Variants in B3GAT2 observed in about 807,000 individuals in gnomAD.
The protein encoded by B3GAT2 is galactosylgalactosylxylosylprotein 3-beta-glucuronosyltransferase 2.
B3GAT2 carries 26 observed loss-of-function variants against 27.8 expected under a neutral mutation model. The ratio of observed to expected loss-of-function variants is 0.93; its 90% CI spans 0.68 to 1.30. B3GAT2 has a LOEUF of 1.30. Among genes scored for constraint, B3GAT2 ranks in the 50% most tolerant of loss-of-function variants. The probability of loss-of-function intolerance (pLI) is 0.00; values close to 1 mark genes in which losing one functional copy is unlikely to be tolerated. For synonymous variants in B3GAT2, 218 were observed against 195.1 expected (o/e 1.12, Z -0.98); for missense variants, 458 against 459.0 (o/e 1.00, Z 0.02).
intron 2 of B3GAT2, among the ~76,000 whole-genome samples, chr6:70,862,455 T>G (rs1771773612): frequency 6.6e-6 from 1 of 152,200 alleles, no homozygotes; most frequent in East Asian, 1.9e-4. Flanking sequence ...ATTTTGCATT[T>G]AGAAGAGGGA....
intron 1 of B3GAT2, among the ~76,000 whole-genome samples, chr6:70,910,868 C>A (rs569555927): frequency 1.3e-5 from 2 of 152,292 alleles, no homozygotes; most frequent in East Asian, 3.9e-4. Context: ...AATACCCATT[C>A]TGACTGGTGT....
rs1397061835 is a variant in B3GAT2, at chr6:70,859,491, C to T, written c.*2172G>A. The T allele has an allele frequency of 3.1e-6, 3 of 966,522 alleles. No individual in the cohort carries two copies. Among genetic ancestry groups the T allele is most frequent in the African/African-American group, 1.6e-5 (1 of 60,834 alleles). The allele number at this position is 966,522 out of a possible 1,614,324, so 59.9% of individuals were successfully genotyped here. A position where few individuals can be genotyped will look rare whatever the true frequency, so the allele number is the denominator to read the frequency against. On this transcript the variant is annotated 3_prime_UTR_variant, in exon 4 of 4. Transcript: ENST00000230053. ...GTAGTTTATGTTAGTGTCTTTGAAA[C>T]TGTAAATAAGTCAAGTCAAATGTAT...
chr6:70,942,900 G>A (rs1054786874), intron 1 of B3GAT2, among the ~76,000 whole-genome samples: 1 of 152,158 alleles, frequency 6.6e-6, no homozygotes, highest in Non-Finnish European at 1.5e-5. Context: ...ATGGAGAATG[G>A]TCAGCATTTA....
At chr6:70,938,503 ATAC>A (rs1343016450) in intron 1 of B3GAT2, among the ~76,000 whole-genome samples, 14 of 151,940 alleles carry the variant, frequency 9.2e-5, no homozygotes, top group African/African-American at 3.1e-4. Context: ...ACTTCAAACT[ATAC>A]TACAAGGCTA....
chr6:70,924,675 C>T (rs1772924815), intron 1 of B3GAT2, among the ~76,000 whole-genome samples: 1 of 152,178 alleles, frequency 6.6e-6, no homozygotes, highest in African/African-American at 2.4e-5. Context: ...AACCAGCCTG[C>T]ATCTTGCCTT....
rs1771450886 is a variant in B3GAT2 at position 70,856,954 on chromosome 6, G to A, written c.*4709C>T. 1 of 1,613,866 alleles carries A rather than the reference G, an allele frequency of 6.2e-7. No homozygotes were observed. Among genetic ancestry groups the A allele is most frequent in the Non-Finnish European group, 8.5e-7 (1 of 1,179,848 alleles). Reference sequence around the variant, plus strand: ...AGCAAACTACAAAATCAGAAGAAGTGGCAAAGAAACAACTTTCCAAAGACT... The same window carrying A: ...AGCAAACTACAAAATCAGAAGAAGTAGCAAAGAAACAACTTTCCAAAGACT... On this transcript the variant is annotated 3_prime_UTR_variant, in exon 4 of 4. Transcript: ENST00000230053.
rs1765527539 is a variant in B3GAT2, at chr6:70,948,456, A to G, written c.591+7383T>C. On this transcript the variant is annotated intron_variant, in intron 1 of 3. Coordinates refer to ENST00000230053, the MANE Select transcript of B3GAT2 (RefSeq NM_080742.3). ...CCAATAACAGACAAACAGAGAGCCAAATCATGAGTGAACTCCCATGCACAA... is the reference window on the plus strand; with the variant it reads ...CCAATAACAGACAAACAGAGAGCCAGATCATGAGTGAACTCCCATGCACAA... 1.3e-5 allele frequency among the ~76,000 whole-genome samples: 2 copies of G among 151,464 alleles called. 1 individual carries two copies. Among genetic ancestry groups the G allele is most frequent in the South Asian group, 4.2e-4 (2 of 4,792 alleles).
chr6:70,915,732 T>C (rs1433015022), intron 1 of B3GAT2, among the ~76,000 whole-genome samples: 1 of 152,220 alleles, frequency 6.6e-6, no homozygotes, highest in Non-Finnish European at 1.5e-5. Flanking sequence ...GTGTTATTTC[T>C]GAGGCCTCTG....
At chr6:70,914,729 GATCCTA>G (rs1772740591) in intron 1 of B3GAT2, among the ~76,000 whole-genome samples, 1 of 150,148 alleles carries the variant, frequency 6.7e-6, no homozygotes, top group Non-Finnish European at 1.5e-5. Flanking sequence ...AAATGGGAAT[GATCCTA>G]ATCCAAATCC....
intron 1 of B3GAT2, among the ~76,000 whole-genome samples, chr6:70,937,836 C>T (rs1293770400): frequency 5.3e-5 from 8 of 152,086 alleles, no homozygotes; most frequent in African/African-American, 1.4e-4. Flanking sequence ...CCTTTGAAAA[C>T]GGGCACAAGA....
Position 70,955,901 on chromosome 6 carries a change from G to C in B3GAT2, c.529C>G (p.Gln177Glu). The change falls in exon 1 of 4, where the codon CAG (glutamine) becomes GAG (glutamate). Residue 177 changes from glutamine to glutamate, a missense_variant. By Grantham distance (29) the Gln-to-Glu change is conservative. Transcript: ENST00000230053. ...LRQRHQHQRAQPGVLFFADDD... is the reference protein window; with the variant it reads ...LRQRHQHQRAEPGVLFFADDD... ...TCAGCGAAGAAGAGCACGCCGGGCT[G>C]CGCGCGCTGGTGCTGGTGCCTCTGG... The C allele has an allele frequency of 6.2e-7, 1 of 1,604,084 alleles. No individual in the cohort carries two copies. Among genetic ancestry groups the C allele is most frequent in the Non-Finnish European group, 8.5e-7 (1 of 1,176,308 alleles).
intron 2 of B3GAT2, among the ~76,000 whole-genome samples, chr6:70,884,095 C>CAAAAA (rs70990339): frequency 9.9e-6 from 1 of 100,694 alleles, no homozygotes; most frequent in African/African-American, 3.9e-5. Context: ...CCTCAAGACT[C>CAAAAA]AAAAAAAAAA....
rs117107973 is a variant in B3GAT2, at chr6:70,858,014, G to A, written c.*3649C>T. ...ATCGATGGGCGTGCCTGTGCCTGCAGCTCCTGGCCTTATAGGAAATGTGAT... is the reference window on the plus strand; with the variant it reads ...ATCGATGGGCGTGCCTGTGCCTGCAACTCCTGGCCTTATAGGAAATGTGAT... On this transcript the variant is annotated 3_prime_UTR_variant, in exon 4 of 4. Coordinates refer to ENST00000230053, the MANE Select transcript of B3GAT2 (RefSeq NM_080742.3). 5 of 1,614,154 alleles carry A rather than the reference G, an allele frequency of 3.1e-6. No individual in the cohort carries two copies. The highest frequency in any genetic ancestry group is 4.2e-6 in the Non-Finnish European group (5 of 1,179,998).
intron 1 of B3GAT2, among the ~76,000 whole-genome samples, chr6:70,899,820 C>A (rs1772465363): frequency 6.6e-6 from 1 of 152,146 alleles, no homozygotes; most frequent in Admixed American, 6.6e-5. Context: ...TCCTTAACAG[C>A]CCTGTTATTT....
At chr6:70,920,940 G>A (rs1393918966) in intron 1 of B3GAT2, among the ~76,000 whole-genome samples, 2 of 152,072 alleles carry the variant, frequency 1.3e-5, no homozygotes, top group Non-Finnish European at 1.5e-5. Flanking sequence ...TTTTTTTGCT[G>A]AACATAGGTC....
intron 2 of B3GAT2, among the ~76,000 whole-genome samples, chr6:70,892,393 A>C (rs1169936723): frequency 6.6e-6 from 1 of 152,244 alleles, no homozygotes; most frequent in Non-Finnish European, 1.5e-5. Context: ...TTCCTAGATT[A>C]AAATCCAGGA....
intron 1 of B3GAT2, among the ~76,000 whole-genome samples, chr6:70,935,606 A>T (rs1227168225): frequency 2.0e-5 from 3 of 152,226 alleles, no homozygotes; most frequent in Admixed American, 6.5e-5. Flanking sequence ...GTCAACATTT[A>T]TAATGCACTG....
rs1271768205 is a variant in B3GAT2, at chr6:70,857,335, A to G, written c.*4328T>C. On this transcript the variant is annotated 3_prime_UTR_variant, in exon 4 of 4. Transcript: ENST00000230053. ...TATTGAAACGATTTGCATGAAGTTT[A>G]TGACTGCGTACAGTGTATTTTCTCT... 2.3e-5 allele frequency: 5 copies of G among 218,542 alleles called. No homozygotes were observed. The highest frequency in any genetic ancestry group is 2.3e-5 in the African/African-American group (1 of 43,886). The allele number at this position is 218,542 out of a possible 1,614,324, so 13.5% of individuals were successfully genotyped here.
intron 2 of B3GAT2, among the ~76,000 whole-genome samples, chr6:70,873,760 C>G (rs137930486): frequency 9.5e-4 from 145 of 152,042 alleles, no homozygotes; most frequent in African/African-American, 3.5e-3. Flanking sequence ...GTTCCTTAAA[C>G]TGGATCATAT....
Sources: allele counts gnomAD v4.1 joint callset (sites outside exome capture counted in the v4.1 genomes callset), GRCh38; gene constraint gnomAD v4.1.1; transcripts MANE v1.5; gene names NCBI Gene and HGNC (gene_info 2026-07-23, HGNC 2026-07-21).